Variants in TLN2 observed in about 807,000 individuals in gnomAD.
TLN2 encodes talin 2, also known as talin-2.
In TLN2, 118 loss-of-function variants were observed where a neutral mutation model predicts 294.7. The ratio of observed to expected loss-of-function variants is 0.40; its 90% confidence interval spans 0.34 to 0.47. TLN2 has a LOEUF of 0.47. Among genes scored for constraint, TLN2 ranks in the 20% least tolerant of loss-of-function variants. The probability of loss-of-function intolerance (pLI) is 0.84; values close to 1 mark genes in which losing one functional copy is unlikely to be tolerated. For missense variants in TLN2, 3,083 were observed against 3,282.2 expected (o/e 0.94, Z 1.48); for synonymous variants, 1,431 against 1,304.5 (o/e 1.10, Z -2.09).
chr15:62,396,031 C>T (rs1164881407), intron 1 of TLN2, among the ~76,000 whole-genome samples: 1 of 149,754 alleles, frequency 6.7e-6, no homozygotes, highest in Non-Finnish European at 1.5e-5. Context: ...AGACAGATTT[C>T]ACCATGTTGG....
At chr15:62,555,638 C>T (rs979351979) in intron 1 of TLN2, among the ~76,000 whole-genome samples, 1 of 152,260 alleles carries the variant, frequency 6.6e-6, no homozygotes, top group African/African-American at 2.4e-5. Context: ...ATTTATCTGT[C>T]TAGTCTACCT....
chr15:62,762,528 T>C, intron 39 of TLN2, 75 bp downstream of exon 39: 1 of 1,492,824 alleles, frequency 6.7e-7, no homozygotes, highest in Non-Finnish European at 9.2e-7. Context: ...CACCAGGCTT[T>C]TTACTTAATA....
intron 45 of TLN2, among the ~76,000 whole-genome samples, chr15:62,786,804 T>G (rs890497002): frequency 2.6e-5 from 4 of 152,260 alleles, no homozygotes; most frequent in African/African-American, 9.6e-5. Context: ...GGAACCACTC[T>G]TTTATTAGGT....
chr15:62,637,026 G>C (rs1358270894), intron 3 of TLN2: 1 of 152,176 alleles, frequency 6.6e-6, no homozygotes, highest in Non-Finnish European at 1.5e-5. Context: ...GTGCCTTAAT[G>C]ACAAAGCTCG....
chr15:62,555,926 T>G (rs558190451), intron 1 of TLN2, among the ~76,000 whole-genome samples: 1 of 101,116 alleles, frequency 9.9e-6, no homozygotes, highest in South Asian at 4.2e-4. Flanking sequence ...TTATTCTTAT[T>G]TTTTAAACTT....
At position 62,561,843 on chromosome 15, in the gene TLN2, C is replaced by T. The variant is rs1596136019; in HGVS notation, c.-237-27844C>T. Among the ~76,000 whole-genome samples, 3 of 152,220 alleles carry T rather than the reference C, an allele frequency of 2.0e-5. No individual in the cohort carries two copies. In the East Asian group the frequency reaches 5.8e-4, roughly 29 times the overall value. Reference sequence around the variant, plus strand: ...CTCTTGCAGTATCCTGCTCCCTACCCCACTTTTTCTTTCCTTTTTTTCCCA... The same window carrying T: ...CTCTTGCAGTATCCTGCTCCCTACCTCACTTTTTCTTTCCTTTTTTTCCCA... On this transcript the variant is annotated intron_variant, in intron 1 of 58. Transcript: ENST00000636159.
chr15:62,751,638 G>A (rs2061944423), intron 34 of TLN2, among the ~76,000 whole-genome samples: 1 of 152,108 alleles, frequency 6.6e-6, no homozygotes, highest in Admixed American at 6.5e-5. Context: ...AGGAAAATAT[G>A]ACCAGCCCTC....
intron 3 of TLN2, among the ~76,000 whole-genome samples, chr15:62,631,476 CTCT>C (rs1234735502): frequency 8.7e-5 from 13 of 150,014 alleles, no homozygotes; most frequent in Non-Finnish European, 1.6e-4. Context: ...CTCTCTCTTC[CTCT>C]TTTCTTTCTT....
At chr15:62,766,729 C>T (rs748410339) in intron 41 of TLN2, among the ~76,000 whole-genome samples, 2 of 152,170 alleles carry the variant, frequency 1.3e-5, no homozygotes, top group Non-Finnish European at 2.9e-5. Flanking sequence ...TGAAAGAAAC[C>T]AGAGACTGAA....
At chr15:62,831,844 A>G (rs1487042244) in intron 54 of TLN2, 1 of 152,226 alleles carries the variant, frequency 6.6e-6, no homozygotes, top group East Asian at 1.9e-4. Context: ...GGAGAGCTGG[A>G]GAAGACTTGT....
chr15:62,814,490 C>CA lies in TLN2; in HGVS notation c.6771+4470dup, dbSNP rs57230639. Among the ~76,000 whole-genome samples the CA allele has an allele frequency of 2.0e-3, 279 of 139,818 alleles. 2 individuals are homozygous for CA. The highest frequency in any genetic ancestry group is 4.9e-3 in the South Asian group (22 of 4,468). The allele number at this position is 139,818 out of a possible 152,430, so 91.7% of individuals were successfully genotyped here. A position where few individuals can be genotyped will look rare whatever the true frequency, so the allele number is the denominator to read the frequency against. On this transcript the variant is annotated intron_variant, in intron 52 of 58. Transcript: ENST00000636159. ...GTGAAACAATCAAAGATAAAACTAT[C>CA]AAAAAAAAAAAAGAATTTTCCCCCT...
At chr15:62,437,644 G>A (rs2140299713) in intron 1 of TLN2, among the ~76,000 whole-genome samples, 1 of 152,230 alleles carries the variant, frequency 6.6e-6, no homozygotes, top group Admixed American at 6.5e-5. Flanking sequence ...TCTCCTTACT[G>A]ACATGAGCTT....
At chr15:62,450,779 C>T (rs2036088576) in intron 1 of TLN2, among the ~76,000 whole-genome samples, 1 of 152,094 alleles carries the variant, frequency 6.6e-6, no homozygotes, top group Admixed American at 6.6e-5. Context: ...CAATATTGCC[C>T]AGGCTGGTCT....
In TLN2 at chr15:62,692,246, C is replaced by T. The variant is rs982476166; in HGVS notation, c.1114-594C>T. Among the ~76,000 whole-genome samples, 39 of 152,314 alleles carry T rather than the reference C, an allele frequency of 2.6e-4. 1 individual carries two copies. The highest frequency in any genetic ancestry group is 7.0e-4 in the African/African-American group (29 of 41,562). On this transcript the variant is annotated intron_variant, in intron 12 of 58. Transcript: ENST00000636159. The stretch of plus-strand genomic sequence containing the variant: ...GACCTTCGTTGCAGGAAGCAGAGGG[C>T]ACTGGAGCTGAGTCTCTTTAAGCCA...
intron 54 of TLN2, chr15:62,831,655 T>A (rs1044650260): frequency 6.6e-6 from 1 of 152,178 alleles, no homozygotes; most frequent in Non-Finnish European, 1.5e-5. Context: ...CTGTCCTGAA[T>A]ACTCTTAGAG....
At chr15:62,710,680 C>T (rs1403237380) in intron 21 of TLN2, among the ~76,000 whole-genome samples, 2 of 146,118 alleles carry the variant, frequency 1.4e-5, no homozygotes, top group South Asian at 4.4e-4. Context: ...AACTAAACTA[C>T]AGACATTTTT....
chr15:62,795,522 G>T (rs1447410748), intron 46 of TLN2, among the ~76,000 whole-genome samples: 3 of 152,128 alleles, frequency 2.0e-5, no homozygotes, highest in Non-Finnish European at 2.9e-5. Context: ...TGAAATGATG[G>T]TTCGGGGGTG....
At chr15:62,461,557 C>T (rs1373953724) in intron 1 of TLN2, among the ~76,000 whole-genome samples, 1 of 152,206 alleles carries the variant, frequency 6.6e-6, no homozygotes, top group East Asian at 1.9e-4. Flanking sequence ...TTTGCTTTTC[C>T]TAGTGCATTC....
chr15:62,624,809 G>C (rs1273508979), intron 3 of TLN2, among the ~76,000 whole-genome samples: 1 of 152,108 alleles, frequency 6.6e-6, no homozygotes, highest in Non-Finnish European at 1.5e-5. Flanking sequence ...TTAAAAAGTA[G>C]GGTTAAAGAC....
Sources: allele counts gnomAD v4.1 joint callset (sites outside exome capture counted in the v4.1 genomes callset), GRCh38; gene constraint gnomAD v4.1.1; transcripts MANE v1.5; gene names NCBI Gene and HGNC (gene_info 2026-07-23, HGNC 2026-07-21).